The following MTX3 variants were observed in gnomAD, a reference collection of about 807,000 sequenced individuals.
MTX3 encodes the protein metaxin-3.
Under a neutral mutation model 42.5 loss-of-function variants are expected in MTX3, and 27 were observed. The ratio of observed to expected loss-of-function variants is 0.64; its 90% confidence interval spans 0.47 to 0.88. The LOEUF is 0.88. MTX3 is among the 40% of genes least tolerant of loss of function. MTX3 has a pLI of 0.00. For synonymous variants in MTX3, 144 were observed against 132.9 expected (o/e 1.08, Z -0.57); for missense variants, 378 against 367.0 (o/e 1.03, Z -0.25).
In MTX3 at chr5:79,982,413, C is replaced by T. The variant is rs947776002; in HGVS notation, c.*1271G>A. 25 of 456,514 alleles carry T rather than the reference C, an allele frequency of 5.5e-5. No homozygotes were observed. The highest frequency in any genetic ancestry group is 3.4e-4 in the African/African-American group (17 of 50,160). 28.3% of individuals were successfully genotyped at this position (456,514 alleles called of 1,614,324 possible). On this transcript the variant is annotated 3_prime_UTR_variant, in exon 9 of 9. Transcript: ENST00000512528. ...TTTTCTTAACATATGGGTTCCTGCA[C>T]GACTTGATAAGATTTGCTGAGCACC...
chr5:79,983,633 AAG>A lies in MTX3; in HGVS notation c.*49_*50del, dbSNP rs1831421304. 1 of 1,320,002 alleles carries A rather than the reference AAG, an allele frequency of 7.6e-7. No homozygotes were observed. The highest frequency in any genetic ancestry group is 1.4e-5 in the African/African-American group (1 of 69,066). The allele number at this position is 1,320,002 out of a possible 1,614,324, so 81.8% of individuals were successfully genotyped here. Reference sequence around the variant, plus strand: ...CTTTTTGCCTTCACACACTTGGTGTAAGAGATTACTGCAACAATCGTTTGACT... The same window carrying A: ...CTTTTTGCCTTCACACACTTGGTGTAAGATTACTGCAACAATCGTTTGACT... On this transcript the variant is annotated 3_prime_UTR_variant, in exon 9 of 9. Transcript: ENST00000512528.
At position 79,976,734 on chromosome 5, in the gene MTX3, ATT is replaced by A. The variant is rs1220173318; in HGVS notation, c.*6948_*6949del. On this transcript the variant is annotated 3_prime_UTR_variant, in exon 9 of 9. Coordinates refer to ENST00000512528, the MANE Select transcript of MTX3 (RefSeq NM_001363818.2). ...TCGAGAATTCATAAGCAGTCAGGAGATTTGAGATTTTTATTGAGAAAATAGCT... is the reference window on the plus strand; with the variant it reads ...TCGAGAATTCATAAGCAGTCAGGAGATGAGATTTTTATTGAGAAAATAGCT... The A allele has an allele frequency of 6.6e-6, 1 of 152,560 alleles. No homozygotes were observed. Among genetic ancestry groups the A allele is most frequent in the Non-Finnish European group, 1.5e-5 (1 of 68,034 alleles). The allele number at this position is 152,560 out of a possible 1,614,324, so 9.5% of individuals were successfully genotyped here.
chr5:79,985,928 T>C (rs532872712), intron 7 of MTX3, among the ~76,000 whole-genome samples: 1 of 117,010 alleles, frequency 8.5e-6, no homozygotes, highest in Non-Finnish European at 1.8e-5. Context: ...TAATTAGTTT[T>C]TTTTTTTTTT....
At position 79,986,589 on chromosome 5, in the gene MTX3, T is replaced by A. The variant is rs1032927495; in HGVS notation, c.739+361A>T. The A allele has an allele frequency of 1.9e-5, 7 of 367,434 alleles. No homozygotes were observed. In the Admixed American group the frequency reaches 2.8e-4, roughly 15 times the overall value. The allele number at this position is 367,434 out of a possible 1,614,324, so 22.8% of individuals were successfully genotyped here. On this transcript the variant is annotated intron_variant, in intron 7 of 8. Transcript: ENST00000512528. The stretch of plus-strand genomic sequence containing the variant: ...TGCTAGAAGCAGCAGGTAAAAATCA[T>A]TTAAAGTAATTGTCCATTTGCATTA...
Position 79,983,544 on chromosome 5 carries a change from A to C in MTX3, c.*140T>G, listed in dbSNP as rs951673431. 24 of 663,142 alleles carry C rather than the reference A, an allele frequency of 3.6e-5. No individual in the cohort carries two copies. The African/African-American group carries it at 4.4e-4, about 12-fold the overall frequency. 41.1% of individuals were successfully genotyped at this position (663,142 alleles called of 1,614,324 possible). On this transcript the variant is annotated 3_prime_UTR_variant, in exon 9 of 9. Transcript: ENST00000512528. Reference sequence around the variant, plus strand: ...ACAAGCTTCCTAATAATAATAGTAAAAATAGATGGCATAGAAAGTTCCTTT... The same window carrying C: ...ACAAGCTTCCTAATAATAATAGTAACAATAGATGGCATAGAAAGTTCCTTT...
At chr5:79,988,745 G>T in intron 4 of MTX3, 101 bp from the exon 5 acceptor site, 2 of 1,066,278 alleles carry the variant, frequency 1.9e-6, no homozygotes, top group African/African-American at 1.6e-5. Context: ...TATATGAAGT[G>T]TCTTCATACA....
chr5:79,989,571 G>C (rs1160166311), intron 3 of MTX3, among the ~76,000 whole-genome samples: 1 of 152,084 alleles, frequency 6.6e-6, no homozygotes, highest in Non-Finnish European at 1.5e-5. Context: ...GTTCCAATTG[G>C]CTGTGTTTCT....
At chr5:79,985,751 C>G in intron 7 of MTX3, 92 bp from the exon 8 acceptor site, 1 of 783,208 alleles carries the variant, frequency 1.3e-6, no homozygotes, top group Non-Finnish European at 2.1e-6. Context: ...TCTACCCACC[C>G]TGTCCAGTGC....
Position 79,983,621 on chromosome 5 carries a change from C to T in MTX3, c.*63G>A. 8.1e-7 allele frequency: 1 copy of T among 1,227,718 alleles called. No individual in the cohort carries two copies. Among genetic ancestry groups the T allele is most frequent in the Middle Eastern group, 1.9e-4 (1 of 5,182 alleles). The allele number at this position is 1,227,718 out of a possible 1,614,324, so 76.1% of individuals were successfully genotyped here. On this transcript the variant is annotated 3_prime_UTR_variant, in exon 9 of 9. Coordinates refer to ENST00000512528, the MANE Select transcript of MTX3 (RefSeq NM_001363818.2). Reference sequence around the variant, plus strand: ...TTATGGTATCTTCTTTTTGCCTTCACACACTTGGTGTAAGAGATTACTGCA... The same window carrying T: ...TTATGGTATCTTCTTTTTGCCTTCATACACTTGGTGTAAGAGATTACTGCA...
chr5:79,987,130 T>C (rs370956018), intron 6 of MTX3, 23 bp from the exon 7 acceptor site: 4 of 1,610,982 alleles, frequency 2.5e-6, no homozygotes. Flanking sequence ...TAAGGATTTT[T>C]AAAGCACATA....
rs1831526462 is a variant in MTX3, at chr5:79,987,579, T to A, written c.582-472A>T. 2.6e-5 allele frequency among the ~76,000 whole-genome samples: 4 copies of A among 152,188 alleles called. No individual in the cohort carries two copies. In the South Asian group the frequency reaches 8.3e-4, roughly 32 times the overall value. On this transcript the variant is annotated intron_variant, in intron 6 of 8. Coordinates refer to ENST00000512528, the MANE Select transcript of MTX3 (RefSeq NM_001363818.2). ...GTATAGTCTCTTAAAAGGTTTACTA[T>A]CCATTTCAGTTTACAAAAATTATGC...
chr5:79,983,794 T>A lies in MTX3; in HGVS notation c.829A>T (p.Met277Leu). The part of the protein sequence containing the change: ...VNKESNLIEK[M>L]DDNLRQSPQL... ...GGGCTTTGGCGAAGATTGTCATCCATCTGTAGAAAGTACAAAAGATACATC... is the reference window on the plus strand; with the variant it reads ...GGGCTTTGGCGAAGATTGTCATCCAACTGTAGAAAGTACAAAAGATACATC... Residue 277 changes from methionine (M) to leucine (L), a missense_variant and splice_region_variant, in exon 9 of 9, where the codon ATG becomes TTG. Met to Leu is a conservative substitution (Grantham distance 15). Transcript: ENST00000512528. 1 of 1,608,508 alleles carries A rather than the reference T, an allele frequency of 6.2e-7. No individual in the cohort carries two copies. Among genetic ancestry groups the A allele is most frequent in the Non-Finnish European group, 8.5e-7 (1 of 1,175,308 alleles).
chr5:79,983,690 C>A lies in MTX3; in HGVS notation c.933G>T (p.Ser311=), dbSNP rs761485655. 129 of 1,612,148 alleles carry A rather than the reference C, an allele frequency of 8.0e-5. 1 individual carries two copies. In the South Asian group the frequency reaches 1.0e-3, roughly 13 times the overall value. The change falls in exon 9 of 9, where the codon TCG becomes TCT. Residue 311 remains serine, a synonymous_variant. Coordinates refer to ENST00000512528, the MANE Select transcript of MTX3 (RefSeq NM_001363818.2). ...EEENNSFQRL[S]P ...CCACAAACCATGACTACTCTCAGGG[C>A]GAAAGCCGTTGGAAGGAATTATTTT...
intron 3 of MTX3, among the ~76,000 whole-genome samples, chr5:79,989,568 T>C (rs1198045318): frequency 6.6e-6 from 1 of 152,214 alleles, no homozygotes; most frequent in Non-Finnish European, 1.5e-5. Flanking sequence ...ACAGTTCCAA[T>C]TGGCTGTGTT....
chr5:79,977,111 A>G lies in MTX3; in HGVS notation c.*6573T>C, dbSNP rs185349678. 6.6e-6 allele frequency: 1 copy of G among 152,338 alleles called. No individual in the cohort carries two copies. The highest frequency in any genetic ancestry group is 6.5e-5 in the Admixed American group (1 of 15,302). 9.4% of individuals were successfully genotyped at this position (152,338 alleles called of 1,614,324 possible). ...GACATTACAAACACCTCAAATTCCC[A>G]CTTCAAAATGAACAGAAAAATGGAA... On this transcript the variant is annotated 3_prime_UTR_variant, in exon 9 of 9. Coordinates refer to ENST00000512528, the MANE Select transcript of MTX3 (RefSeq NM_001363818.2).
In MTX3 at chr5:79,989,254, A is replaced by C; in HGVS notation, c.229-10T>G. ...AATCAGCATTATATTTCTATTAAAA[A>C]AAAATAAACCAAAGAAACTCAGAAG... On this transcript the variant is annotated splice_polypyrimidine_tract_variant and intron_variant, in intron 3 of 8. Transcript: ENST00000512528. 3 of 1,537,232 alleles carry C rather than the reference A, an allele frequency of 2.0e-6. No individual in the cohort carries two copies. The highest frequency in any genetic ancestry group is 2.6e-6 in the Non-Finnish European group (3 of 1,132,492).
intron 6 of MTX3, among the ~76,000 whole-genome samples, chr5:79,987,315 C>G (rs1168084524): frequency 6.6e-6 from 1 of 151,774 alleles, no homozygotes; most frequent in Non-Finnish European, 1.5e-5. Context: ...TGGTGGGCAC[C>G]TGTAAACCCA....
At chr5:79,985,757 A>G in intron 7 of MTX3, 98 bp from the exon 8 acceptor site, 1 of 741,286 alleles carries the variant, frequency 1.3e-6, no homozygotes, top group Non-Finnish European at 2.2e-6. Context: ...CACCCTGTCC[A>G]GTGCCCCACC....
At chr5:79,989,080 G>A in intron 4 of MTX3, 72 bp downstream of exon 4, 2 of 1,061,212 alleles carry the variant, frequency 1.9e-6, no homozygotes, top group South Asian at 1.7e-5. Flanking sequence ...TTTCTCATTG[G>A]TTTTTTTCTA....
Sources: gnomAD v4.1 joint callset for allele counts (sites outside exome capture counted in the v4.1 genomes callset) on GRCh38, gnomAD v4.1.1 for gene constraint, MANE v1.5 for transcripts, NCBI Gene and HGNC (gene_info 2026-07-23, HGNC 2026-07-21) for gene names.